The following IFT74 variants were observed in gnomAD, a reference collection of about 807,000 sequenced individuals.
IFT74 encodes intraflagellar transport protein 74 homolog.
In IFT74, 92 loss-of-function variants were observed where a neutral mutation model predicts 96.7. That is an observed-to-expected ratio of 0.95 (90% CI 0.80 to 1.13). The LOEUF is 1.13. Among genes scored for constraint, IFT74 ranks in the 50% most tolerant of loss-of-function variants. IFT74 has a pLI of 0.00. For synonymous variants in IFT74, 223 were observed against 213.2 expected (o/e 1.05, Z -0.40); for missense variants, 811 against 698.2 (o/e 1.16, Z -1.82).
intron 8 of IFT74, among the ~76,000 whole-genome samples, chr9:27,008,004 A>G (rs940963228): frequency 2.0e-5 from 3 of 152,222 alleles, no homozygotes; most frequent in Admixed American, 1.3e-4. Context: ...TTACGTGATA[A>G]AAATGGTTAT....
At position 26,984,634 on chromosome 9, in the gene IFT74, G is replaced by A; in HGVS notation, c.465+75G>A. On this transcript the variant is annotated intron_variant, in intron 6 of 19. Transcript: ENST00000380062. Reference sequence around the variant, plus strand: ...TTACTACTGCTTTAAAAATACATTAGTAGGCAAAGGACATGCACAGATACT... The same window carrying A: ...TTACTACTGCTTTAAAAATACATTAATAGGCAAAGGACATGCACAGATACT... 8 of 1,139,808 alleles carry A rather than the reference G, an allele frequency of 7.0e-6. No homozygotes were observed. In the South Asian group the frequency reaches 9.1e-5, roughly 13 times the overall value. 70.6% of individuals were successfully genotyped at this position (1,139,808 alleles called of 1,614,324 possible).
At chr9:27,010,717 C>T (rs1048600618) in intron 9 of IFT74, among the ~76,000 whole-genome samples, 7 of 119,822 alleles carry the variant, frequency 5.8e-5, no homozygotes, top group African/African-American at 2.1e-4. Context: ...ATCCGCCCCC[C>T]TCGGCTTCCC....
At chr9:26,959,088 T>C (rs1826240480) in intron 1 of IFT74, among the ~76,000 whole-genome samples, 1 of 146,264 alleles carries the variant, frequency 6.8e-6, no homozygotes, top group Non-Finnish European at 1.5e-5. Context: ...AAGCTATTCT[T>C]TTTGTTGTTG....
At chr9:27,034,378 A>G in intron 13 of IFT74, among the ~76,000 whole-genome samples, 1 of 152,222 alleles carries the variant, frequency 6.6e-6, no homozygotes, top group East Asian at 1.9e-4. Flanking sequence ...AAGTAGTAAA[A>G]TAACAAAATA....
rs1825819541 is a variant in IFT74 at position 26,948,448 on chromosome 9, A to ATTATTTTTT, written c.-20+1304_-20+1305insATTTTTTTT. Among the ~76,000 whole-genome samples the ATTATTTTTT allele has an allele frequency of 2.9e-3, 172 of 59,170 alleles. 17 individuals carry two copies. The highest frequency in any genetic ancestry group is 4.8e-3 in the Non-Finnish European group (124 of 26,092). The allele number at this position is 59,170 out of a possible 152,430, so 38.8% of individuals were successfully genotyped here. Reference sequence around the variant, plus strand: ...TGACAACCTGTGATGGCTTTCCATTATTTTTTTTTTTTTTTTTTTTTTTTT... The same window carrying ATTATTTTTT: ...TGACAACCTGTGATGGCTTTCCATTATTATTTTTTTTTTTTTTTTTTTTTTTTTTTTTTT... On this transcript the variant is annotated intron_variant, in intron 1 of 19. Coordinates refer to the IFT74 transcript ENST00000433700.
At chr9:26,992,669 G>C (rs979950399) in intron 8 of IFT74, among the ~76,000 whole-genome samples, 1 of 151,932 alleles carries the variant, frequency 6.6e-6, no homozygotes, top group African/African-American at 2.4e-5. Flanking sequence ...CTCCAGCCTG[G>C]GTGACAGGGC....
chr9:27,045,730 C>T (rs1270607729), intron 14 of IFT74, among the ~76,000 whole-genome samples: 1 of 152,120 alleles, frequency 6.6e-6, no homozygotes, highest in Non-Finnish European at 1.5e-5. Flanking sequence ...AGAATTTCAT[C>T]TAGGTCTGAT....
chr9:26,984,079 C>T (rs1563950246), intron 4 of IFT74, 178 bp from the exon 5 acceptor site: 2 of 451,530 alleles, frequency 4.4e-6, no homozygotes, highest in East Asian at 5.3e-5. Flanking sequence ...CCACCGCACC[C>T]AGCCAGAATA....
chr9:27,021,979 C>G (rs1292952447), intron 12 of IFT74, among the ~76,000 whole-genome samples: 1 of 152,162 alleles, frequency 6.6e-6, no homozygotes, highest in Non-Finnish European at 1.5e-5. Context: ...AGATTTAAGT[C>G]TCTGATTCAC....
chr9:26,948,584 A>C (rs974723873), intron 1 of IFT74, among the ~76,000 whole-genome samples: 6 of 147,622 alleles, frequency 4.1e-5, no homozygotes, highest in South Asian at 2.2e-4. Context: ...TTCCTGCCTC[A>C]GCCTCCCGAG....
intron 2 of IFT74, among the ~76,000 whole-genome samples, chr9:26,975,773 A>G (rs1827088639): frequency 6.6e-6 from 1 of 152,136 alleles, no homozygotes; most frequent in African/African-American, 2.4e-5. Context: ...ATCGATTTCC[A>G]TAGGCATTGT....
chr9:27,020,204 G>T (rs1829533631), intron 12 of IFT74, among the ~76,000 whole-genome samples: 1 of 151,924 alleles, frequency 6.6e-6, no homozygotes, highest in Non-Finnish European at 1.5e-5. Context: ...TGACGAAATT[G>T]CCTTTTAATG....
chr9:26,998,981 G>A (rs550963842), intron 8 of IFT74, among the ~76,000 whole-genome samples: 6 of 152,274 alleles, frequency 3.9e-5, no homozygotes, highest in African/African-American at 1.2e-4. Flanking sequence ...GCGACAGAGC[G>A]AGATTCCGTC....
intron 13 of IFT74, among the ~76,000 whole-genome samples, chr9:27,031,725 AAAATAAT>A (rs1339804198): frequency 1.4e-5 from 2 of 143,002 alleles, no homozygotes; most frequent in Non-Finnish European, 3.0e-5. Context: ...TTAGCTAAAT[AAAATAAT>A]AAATAAAATA....
intron 8 of IFT74, among the ~76,000 whole-genome samples, chr9:27,000,316 A>C (rs1487716535): frequency 6.6e-6 from 1 of 152,222 alleles, no homozygotes; most frequent in Non-Finnish European, 1.5e-5. Context: ...TTTAATATAG[A>C]AGTGCACAAA....
chr9:27,043,131 G>A (rs1053592830), intron 13 of IFT74, among the ~76,000 whole-genome samples: 11 of 152,156 alleles, frequency 7.2e-5, no homozygotes, highest in Non-Finnish European at 1.6e-4. Context: ...TATCTGAGTG[G>A]ATCCAGGGTT....
chr9:27,020,010 T>C (rs1044750312), intron 12 of IFT74, among the ~76,000 whole-genome samples: 1 of 151,840 alleles, frequency 6.6e-6, no homozygotes. Flanking sequence ...GAGTCCCAGT[T>C]TGTCGCCCAG....
chr9:26,976,056 C>T (rs977999032), intron 2 of IFT74, among the ~76,000 whole-genome samples: 3 of 152,182 alleles, frequency 2.0e-5, no homozygotes, highest in African/African-American at 7.2e-5. Flanking sequence ...CGTTTTTCAC[C>T]TTGGTCTGTG....
In IFT74 at chr9:27,025,434, C is replaced by T. The variant is rs930307764; in HGVS notation, c.975-3591C>T. Among the ~76,000 whole-genome samples, 53 of 120,094 alleles carry T rather than the reference C, an allele frequency of 4.4e-4. 2 individuals carry two copies. The highest frequency in any genetic ancestry group is 1.7e-3 in the African/African-American group (53 of 31,300). The allele number at this position is 120,094 out of a possible 152,430, so 78.8% of individuals were successfully genotyped here. A position where few individuals can be genotyped will look rare whatever the true frequency, so the allele number is the denominator to read the frequency against. On this transcript the variant is annotated intron_variant, in intron 12 of 19. Transcript: ENST00000380062. ...TTCCATCCTGGGTGACAGAGTGAGA[C>T]TCCATCTCCAAAAAAAAAAAAAAAA...
Sources: gnomAD v4.1 joint callset for allele counts (sites outside exome capture counted in the v4.1 genomes callset) on GRCh38, gnomAD v4.1.1 for gene constraint, MANE v1.5 for transcripts, NCBI Gene and HGNC (gene_info 2026-07-23, HGNC 2026-07-21) for gene names.